Variants in PIK3CB observed in about 807,000 individuals in gnomAD.
PIK3CB encodes the protein phosphatidylinositol-4,5-bisphosphate 3-kinase catalytic subunit beta.
In PIK3CB, 39 loss-of-function variants were observed where a neutral mutation model predicts 136.8. That is an observed-to-expected ratio of 0.29 (90% confidence interval 0.22 to 0.37). The LOEUF is 0.37. Ranked by LOEUF, PIK3CB falls within the 10% of genes least tolerant of loss-of-function variation. The pLI is 1.00. For missense variants in PIK3CB, 868 were observed against 1,275.4 expected, an observed-to-expected ratio of 0.68 and a Z score of 4.87; for synonymous variants, 428 against 436.6, an observed-to-expected ratio of 0.98 and a Z score of 0.25.
At position 138,763,057 on chromosome 3, in the gene PIK3CB, A is replaced by G. The variant is rs1168157959; in HGVS notation, c.-16-3698T>C. Among the ~76,000 whole-genome samples the G allele has an allele frequency of 3.3e-5, 5 of 152,280 alleles. No individual in the cohort carries two copies. The East Asian group carries it at 9.6e-4, about 29-fold the overall frequency. ...CAGAGGTGGAAGCCAGCTACTGAAC[A>G]AGTAACTCAAGTACTATGTCTAACC... On this transcript the variant is annotated intron_variant, in intron 2 of 23. Coordinates refer to ENST00000674063, the MANE Select transcript of PIK3CB (RefSeq NM_006219.3).
chr3:138,764,898 A>G (rs1238353751), intron 2 of PIK3CB, among the ~76,000 whole-genome samples: 1 of 152,204 alleles, frequency 6.6e-6, no homozygotes, highest in African/African-American at 2.4e-5. Context: ...AGCACACTGT[A>G]TTAAAGCTCA....
Position 138,658,266 on chromosome 3 carries a change from T to A in PIK3CB, c.2797-431A>T, listed in dbSNP as rs527856331. On this transcript the variant is annotated intron_variant, in intron 21 of 23. Transcript: ENST00000674063. The stretch of plus-strand genomic sequence containing the variant: ...GAGTTCAAGGCCAGCCTAGGCAACA[T>A]AGCGAGACCCCATCTCTACAAATGA... Among the ~76,000 whole-genome samples the A allele has an allele frequency of 5.9e-5, 9 of 152,032 alleles. No individual in the cohort carries two copies. The East Asian group carries it at 1.2e-3, about 20-fold the overall frequency.
chr3:138,789,932 G>A (rs1043245697), intron 2 of PIK3CB, among the ~76,000 whole-genome samples: 9 of 152,064 alleles, frequency 5.9e-5, no homozygotes, highest in Non-Finnish European at 8.8e-5. Context: ...CTCGTGATCT[G>A]CCCGTCCTGG....
At chr3:138,757,600 AAAGG>A (rs1362502388) in intron 3 of PIK3CB, among the ~76,000 whole-genome samples, 2 of 148,376 alleles carry the variant, frequency 1.3e-5, no homozygotes, top group Admixed American at 6.8e-5. Context: ...AGGAAGGAAG[AAAGG>A]AAGGAAGAAG....
intron 1 of PIK3CB, among the ~76,000 whole-genome samples, chr3:138,814,597 T>G (rs1933213188): frequency 1.3e-5 from 2 of 152,068 alleles, no homozygotes; most frequent in Non-Finnish European, 1.5e-5. Context: ...TTTTTCTAGC[T>G]CTCTCTAGAT....
intron 16 of PIK3CB, 65 bp downstream of exon 16, chr3:138,688,810 A>T (rs2043948960): frequency 1.1e-6 from 1 of 918,352 alleles, no homozygotes; most frequent in African/African-American, 1.6e-5. Flanking sequence ...AAACAAGCTG[A>T]TATTCATGCT....
chr3:138,824,343 GGA>G (rs1314174211), intron 1 of PIK3CB, among the ~76,000 whole-genome samples: 1 of 152,054 alleles, frequency 6.6e-6, no homozygotes, highest in Non-Finnish European at 1.5e-5. Flanking sequence ...TTTACACTGG[GGA>G]GAATTCTGAG....
chr3:138,729,465 G>C (rs1320239674), intron 8 of PIK3CB, among the ~76,000 whole-genome samples: 3 of 152,186 alleles, frequency 2.0e-5, no homozygotes, highest in Non-Finnish European at 4.4e-5. Flanking sequence ...GGGTAAAGCA[G>C]ATTGCCCTCC....
At chr3:138,807,278 A>G (rs1409537254) in intron 1 of PIK3CB, among the ~76,000 whole-genome samples, 5 of 152,096 alleles carry the variant, frequency 3.3e-5, no homozygotes, top group Admixed American at 1.3e-4. Context: ...TACAAAATAT[A>G]GAAAAATTAG....
At chr3:138,724,658 A>T (rs2044800311) in intron 8 of PIK3CB, among the ~76,000 whole-genome samples, 1 of 152,194 alleles carries the variant, frequency 6.6e-6, no homozygotes, top group Non-Finnish European at 1.5e-5. Flanking sequence ...GCATACAAAA[A>T]GACACTTCTA....
At chr3:138,807,673 A>C (rs1009221921) in intron 1 of PIK3CB, among the ~76,000 whole-genome samples, 1 of 152,066 alleles carries the variant, frequency 6.6e-6, no homozygotes, top group East Asian at 1.9e-4. Flanking sequence ...TGGGAGGATC[A>C]CTTGAGTCCA....
chr3:138,779,696 AT>A (rs3071142), intron 2 of PIK3CB, among the ~76,000 whole-genome samples: 236 of 145,142 alleles, frequency 1.6e-3, no homozygotes, highest in African/African-American at 4.2e-3. Flanking sequence ...ACCTGGCCAA[AT>A]TTTTTTTTTT....
chr3:138,830,691 A>T (rs1933988404), intron 1 of PIK3CB, among the ~76,000 whole-genome samples: 1 of 151,774 alleles, frequency 6.6e-6, no homozygotes, highest in Non-Finnish European at 1.5e-5. Context: ...CGAGGTCAGG[A>T]GATCGAGACC....
intron 8 of PIK3CB, 140 bp downstream of exon 8, chr3:138,733,221 A>G (rs1178492027): frequency 1.9e-5 from 8 of 424,518 alleles, no homozygotes; most frequent in Non-Finnish European, 3.4e-5. Flanking sequence ...CAATAGTCTT[A>G]TAATAAATTA....
Position 138,819,796 on chromosome 3 carries a change from G to A in PIK3CB, c.-122+14899C>T, listed in dbSNP as rs866028898. ...TTGAGACCAACCTGGAAAACATGGTGAAACCCCATTTTCACTAAAAATACA... is the reference window on the plus strand; with the variant it reads ...TTGAGACCAACCTGGAAAACATGGTAAAACCCCATTTTCACTAAAAATACA... On this transcript the variant is annotated intron_variant, in intron 1 of 23. Transcript: ENST00000674063. Among the ~76,000 whole-genome samples the A allele has an allele frequency of 3.3e-4, 50 of 152,272 alleles. 1 individual carries two copies. The highest frequency in any genetic ancestry group is 1.2e-3 in the African/African-American group (48 of 41,554).
Position 138,803,211 on chromosome 3 carries a change from T to G in PIK3CB, c.-121-6644A>C, listed in dbSNP as rs955874063. 2.0e-5 allele frequency among the ~76,000 whole-genome samples: 3 copies of G among 152,280 alleles called. No homozygotes were observed. The South Asian group carries it at 6.2e-4, about 32-fold the overall frequency. ...CTCTGCAAGCAGACAATTAAACCAC[T>G]GTTTTTAAAAAGGTTGGGAAGGGAG... On this transcript the variant is annotated intron_variant, in intron 1 of 23. Transcript: ENST00000674063.
At chr3:138,818,156 A>C (rs1006445928) in intron 1 of PIK3CB, among the ~76,000 whole-genome samples, 5 of 152,258 alleles carry the variant, frequency 3.3e-5, no homozygotes, top group African/African-American at 1.2e-4. Context: ...ATGGAAACTC[A>C]TATTTAGTGA....
intron 21 of PIK3CB, among the ~76,000 whole-genome samples, chr3:138,660,070 A>T (rs1454210291): frequency 6.6e-6 from 1 of 150,890 alleles, no homozygotes. Flanking sequence ...TCTATTTATC[A>T]TATTTTTTGG....
At chr3:138,754,286 T>A (rs1384604569) in intron 4 of PIK3CB, among the ~76,000 whole-genome samples, 2 of 151,804 alleles carry the variant, frequency 1.3e-5, no homozygotes, top group Non-Finnish European at 2.9e-5. Context: ...ATACAAAAAT[T>A]AGCCAGGCAT....
Sources: allele counts gnomAD v4.1 joint callset (sites outside exome capture counted in the v4.1 genomes callset), GRCh38; gene constraint gnomAD v4.1.1; transcripts MANE v1.5; gene names NCBI Gene and HGNC (gene_info 2026-07-23, HGNC 2026-07-21).